Variants in SYT7 observed in about 807,000 individuals in gnomAD.
SYT7 encodes synaptotagmin-7.
In SYT7, 29 loss-of-function variants were observed where a neutral mutation model predicts 75.1. That is an observed-to-expected ratio of 0.39 (90% CI 0.29 to 0.53). The LOEUF is 0.53. SYT7 is among the 20% of genes least tolerant of loss of function. The probability of loss-of-function intolerance (pLI) is 0.77; values close to 1 mark genes in which losing one functional copy is unlikely to be tolerated. For missense variants in SYT7, 693 were observed against 953.2 expected (o/e 0.73, Z 3.59); for synonymous variants, 376 against 401.7 (o/e 0.94, Z 0.76).
intron 6 of SYT7, 55 bp from the exon 7 acceptor site, chr11:61,538,321 G>A (rs1191069199): frequency 2.0e-5 from 30 of 1,467,466 alleles, no homozygotes; most frequent in Middle Eastern, 1.8e-4. Context: ...CCCCGTGGGC[G>A]GGGGCAGGGG....
At chr11:61,583,095 T>C (rs764240135), upstream of SYT7, among the ~76,000 whole-genome samples, 3 of 151,666 alleles carry the variant, frequency 2.0e-5, no homozygotes, top group Non-Finnish European at 2.9e-5. Context: ...AGTGTAGTGG[T>C]GCGCCCCTGG....
chr11:61,581,685 C>G (rs1169393886), upstream of SYT7, among the ~76,000 whole-genome samples: 1 of 152,240 alleles, frequency 6.6e-6, no homozygotes, highest in Non-Finnish European at 1.5e-5. Flanking sequence ...GATCCCTGCC[C>G]TCGGTAGGAG....
rs1359418362 is a variant in SYT7 at position 61,547,177 on chromosome 11, T to C, written c.347A>G (p.Asn116Ser). 6.5e-7 allele frequency: 1 copy of C among 1,535,272 alleles called. No individual in the cohort carries two copies. The highest frequency in any genetic ancestry group is 8.7e-7 in the Non-Finnish European group (1 of 1,146,654). ...APYGDPRLSL[N>S]GTLLSGAKVA... Reference sequence around the variant, plus strand: ...GATCAAACCAGGTAAAGTCACTCACTTGAGGGACAGTCGTGGGTCGCCATA... The same window carrying C: ...GATCAAACCAGGTAAAGTCACTCACCTGAGGGACAGTCGTGGGTCGCCATA... Residue 116 changes from asparagine (N) to serine (S), a missense_variant and splice_region_variant, in exon 4 of 13, where the codon AAT (asparagine) becomes AGT (serine). Coordinates refer to ENST00000539008, the MANE Select transcript of SYT7 (RefSeq NM_001365809.2).
chr11:61,576,173 T>C lies in SYT7; in HGVS notation c.31+4617A>G, dbSNP rs2064071385. ...CTCTGTTCCAGCCCTTGGGGAATTC[T>C]GCTGGGTGAGACCAAAGCCCTGCCC... On this transcript the variant is annotated intron_variant, in intron 1 of 12. Coordinates refer to ENST00000539008, the MANE Select transcript of SYT7 (RefSeq NM_001365809.2). This position sits in a 1 kb window ranked among gnomAD's most constrained non-coding sequence, Gnocchi z 4.1. Among the ~76,000 whole-genome samples the C allele has an allele frequency of 6.6e-6, 1 of 152,246 alleles. No individual in the cohort carries two copies. The highest frequency in any genetic ancestry group is 1.5e-5 in the Non-Finnish European group (1 of 68,042).
At chr11:61,550,845 C>G (rs1263838237) in intron 3 of SYT7, among the ~76,000 whole-genome samples, 1 of 152,324 alleles carries the variant, frequency 6.6e-6, no homozygotes, top group East Asian at 1.9e-4. Flanking sequence ...GCCAGACACA[C>G]AGCGGCCGGT....
intron 1 of SYT7, among the ~76,000 whole-genome samples, chr11:61,567,028 G>T (rs1304412293): frequency 6.6e-6 from 1 of 152,176 alleles, no homozygotes; most frequent in African/African-American, 2.4e-5. Flanking sequence ...GGTTGGGGAG[G>T]GGAGTGCATT....
intron 5 of SYT7, among the ~76,000 whole-genome samples, chr11:61,544,955 T>C (rs2063143596): frequency 6.6e-6 from 1 of 152,130 alleles, no homozygotes; most frequent in Non-Finnish European, 1.5e-5. Context: ...GACCCTCAGT[T>C]GAGGCAACAG....
intron 3 of SYT7, among the ~76,000 whole-genome samples, chr11:61,549,851 C>T (rs2063297906): frequency 6.6e-6 from 1 of 152,142 alleles, no homozygotes; most frequent in African/African-American, 2.4e-5. Context: ...TGCCCGCCCT[C>T]CCCCTGGTTG....
Position 61,546,765 on chromosome 11 carries a change from C to T in SYT7, c.347+412G>A, listed in dbSNP as rs1188424958. On this transcript the variant is annotated intron_variant, in intron 4 of 12. Coordinates refer to ENST00000539008, the MANE Select transcript of SYT7 (RefSeq NM_001365809.2). The surrounding 1 kb of genome is among the most constrained non-coding windows in gnomAD (Gnocchi z 7.6). The stretch of plus-strand genomic sequence containing the variant: ...CACCGCCACCACCGCCACGAACCAC[C>T]GACCACCGACCACCGACCACCGAGC... 2 of 386,862 alleles carry T rather than the reference C, an allele frequency of 5.2e-6. No homozygotes were observed. Among genetic ancestry groups the T allele is most frequent in the Non-Finnish European group, 1.0e-5 (2 of 197,684 alleles). The allele number at this position is 386,862 out of a possible 1,614,324, so 24.0% of individuals were successfully genotyped here. A position where few individuals can be genotyped will look rare whatever the true frequency, so the allele number is the denominator to read the frequency against.
Position 61,553,968 on chromosome 11 carries a change from C to T in SYT7, c.135+2136G>A, listed in dbSNP as rs140988702. The stretch of plus-strand genomic sequence containing the variant: ...TCCCTGGCTTCTGGAACCCCTGAGG[C>T]GGAGGGGAGGGGGTGGCAGGGCTTG... On this transcript the variant is annotated intron_variant, in intron 2 of 12. Transcript: ENST00000539008. This position sits in a 1 kb window ranked among gnomAD's most constrained non-coding sequence, Gnocchi z 5.2. Among the ~76,000 whole-genome samples the T allele has an allele frequency of 2.6e-5, 4 of 151,752 alleles. No homozygotes were observed. Among genetic ancestry groups the T allele is most frequent in the African/African-American group, 7.3e-5 (3 of 41,312 alleles).
intron 6 of SYT7, chr11:61,540,439 T>C (rs890891385): frequency 1.2e-6 from 1 of 857,306 alleles, no homozygotes; most frequent in East Asian, 1.2e-4. Flanking sequence ...AAAAAAAGAA[T>C]ATGTGATGAT....
rs1331039463 is a variant in SYT7 at position 61,524,062 on chromosome 11, C to T, written c.1642-121G>A. Reference sequence around the variant, plus strand: ...GCTTACCCATGCCCCTGTCTGTCACCTCTGTCTCACTCTGTCTCCCCCCAT... The same window carrying T: ...GCTTACCCATGCCCCTGTCTGTCACTTCTGTCTCACTCTGTCTCCCCCCAT... On this transcript the variant is annotated intron_variant, in intron 10 of 12. Transcript: ENST00000539008. This position sits in a 1 kb window ranked among gnomAD's most constrained non-coding sequence, Gnocchi z 4.1. 2.4e-6 allele frequency: 2 copies of T among 849,888 alleles called. No individual in the cohort carries two copies. The highest frequency in any genetic ancestry group is 3.8e-6 in the Non-Finnish European group (2 of 529,284). 52.6% of individuals were successfully genotyped at this position (849,888 alleles called of 1,614,324 possible). A position where few individuals can be genotyped will look rare whatever the true frequency, so the allele number is the denominator to read the frequency against.
At chr11:61,566,137 G>C (rs2063761361) in intron 1 of SYT7, among the ~76,000 whole-genome samples, 1 of 152,354 alleles carries the variant, frequency 6.6e-6, no homozygotes, top group African/African-American at 2.4e-5. Flanking sequence ...TCTTCCAGTC[G>C]AGACATGGCC....
chr11:61,575,949 C>A (rs957356539), intron 1 of SYT7, among the ~76,000 whole-genome samples: 9 of 152,202 alleles, frequency 5.9e-5, no homozygotes, highest in African/African-American at 1.7e-4. Context: ...AAACATGCAG[C>A]TTTGCAGGGG....
At chr11:61,518,827 T>C (rs1333484828) in intron 12 of SYT7, 96 bp from the exon 13 acceptor site, 3 of 839,674 alleles carry the variant, frequency 3.6e-6, no homozygotes, top group Non-Finnish European at 5.2e-6. Context: ...CATGATACCC[T>C]AGCCTGTGGC....
At chr11:61,562,015 CGCATGCACACACACAT>C (rs983213584) in intron 1 of SYT7, among the ~76,000 whole-genome samples, 4 of 151,404 alleles carry the variant, frequency 2.6e-5, no homozygotes, top group African/African-American at 7.3e-5. Context: ...TGTGTGTGCG[CGCATGCACACACACAT>C]GCATGCACAC....
chr11:61,524,464 G>A lies in SYT7; in HGVS notation c.1540C>T (p.Arg514Cys), dbSNP rs1360412344. ...LQVLDYDRFS[R>C]NDPIGEVSIP... Reference sequence around the variant, plus strand: ...GACACCTCCCCAATGGGGTCGTTGCGGCTGAAGCGGTCATAGTCCAGGACT... The same window carrying A: ...GACACCTCCCCAATGGGGTCGTTGCAGCTGAAGCGGTCATAGTCCAGGACT... The change falls in exon 10 of 13, where the codon CGC becomes TGC. Residue 514 changes from arginine (R) to cysteine (C), a missense_variant. Transcript: ENST00000539008. The surrounding 1 kb of genome is among the most constrained non-coding windows in gnomAD (Gnocchi z 4.1). 1.9e-6 allele frequency: 3 copies of A among 1,613,176 alleles called. No homozygotes were observed. Among genetic ancestry groups the A allele is most frequent in the Non-Finnish European group, 2.5e-6 (3 of 1,179,622 alleles).
rs2062430496 is a variant in SYT7 at position 61,524,005 on chromosome 11, T to A, written c.1642-64A>T. On this transcript the variant is annotated intron_variant, in intron 10 of 12. Coordinates refer to ENST00000539008, the MANE Select transcript of SYT7 (RefSeq NM_001365809.2). This position sits in a 1 kb window ranked among gnomAD's most constrained non-coding sequence, Gnocchi z 4.1. Reference sequence around the variant, plus strand: ...AGCAGAGCTCTCTGATTGGCCTAGCTGCCCCCAGGTCCCCTCTACCCTGAC... The same window carrying A: ...AGCAGAGCTCTCTGATTGGCCTAGCAGCCCCCAGGTCCCCTCTACCCTGAC... The A allele has an allele frequency of 6.8e-7, 1 of 1,464,860 alleles. No homozygotes were observed. Among genetic ancestry groups the A allele is most frequent in the Non-Finnish European group, 9.5e-7 (1 of 1,047,316 alleles). 90.7% of individuals were successfully genotyped at this position (1,464,860 alleles called of 1,614,324 possible).
At chr11:61,540,958 C>A in intron 6 of SYT7, 1 of 985,450 alleles carries the variant, frequency 1.0e-6, no homozygotes, top group Non-Finnish European at 1.2e-6. Flanking sequence ...GGGTAGAGCC[C>A]CAGAGAATAT....
Sources: allele counts gnomAD v4.1 joint callset (sites outside exome capture counted in the v4.1 genomes callset), GRCh38; gene constraint gnomAD v4.1.1; non-coding constraint Gnocchi (gnomAD v3.1); transcripts MANE v1.5; gene names NCBI Gene and HGNC (gene_info 2026-07-23, HGNC 2026-07-21).